OAS2: variants seen among roughly 807,000 people sequenced by gnomAD.
OAS2 encodes 2'-5'-oligoadenylate synthase 2.
A neutral mutation model predicts 71.3 loss-of-function variants in OAS2; 67 were observed. That is an observed-to-expected ratio of 0.94 (90% CI 0.77 to 1.15). The LOEUF (loss-of-function observed/expected upper bound fraction) is 1.15, where lower values mean the gene tolerates loss of function less well. Ranked by LOEUF, OAS2 falls within the 50% of genes most tolerant of loss-of-function variation. OAS2 has a pLI of 0.00. For synonymous variants in OAS2, 327 were observed against 321.8 expected, an observed-to-expected ratio of 1.02 and a Z score of -0.17; for missense variants, 789 against 822.5, an observed-to-expected ratio of 0.96 and a Z score of 0.50.
chr12:112,985,960 A>G (rs1307321648), intron 1 of OAS2, among the ~76,000 whole-genome samples: 1 of 152,230 alleles, frequency 6.6e-6, no homozygotes, highest in Non-Finnish European at 1.5e-5. Flanking sequence ...TGACAGAGCA[A>G]GACCCTGTCT....
Position 113,010,539 on chromosome 12 carries a change from C to T in OAS2, c.*1284C>T. The T allele has an allele frequency of 6.3e-7, 1 of 1,593,196 alleles. No homozygotes were observed. On this transcript the variant is annotated 3_prime_UTR_variant, in exon 10 of 10. Coordinates refer to ENST00000392583, the MANE Select transcript of OAS2 (RefSeq NM_002535.3). ...CGGCTCACCGTGAGAAAGAGTCACTCACATCCATTCTTCCCTTGATGGTCC... is the reference window on the plus strand; with the variant it reads ...CGGCTCACCGTGAGAAAGAGTCACTTACATCCATTCTTCCCTTGATGGTCC...
At chr12:112,996,665 T>G (rs1158421271) in intron 3 of OAS2, among the ~76,000 whole-genome samples, 2 of 151,922 alleles carry the variant, frequency 1.3e-5, no homozygotes, top group African/African-American at 4.8e-5. Context: ...AGGTAAGGGT[T>G]TTAAAGGTGA....
chr12:113,004,785 C>G (rs2044315874), intron 6 of OAS2, 149 bp from the exon 7 acceptor site: 1 of 663,366 alleles, frequency 1.5e-6, no homozygotes, highest in Admixed American at 2.9e-5. Flanking sequence ...AAAAGAAAAC[C>G]CTTTGCTTTG....
At chr12:113,005,942 A>AC (rs2044330910) in intron 7 of OAS2, among the ~76,000 whole-genome samples, 3 of 147,940 alleles carry the variant, frequency 2.0e-5, no homozygotes, top group African/African-American at 7.4e-5. Context: ...AAAAAAAAAA[A>AC]AAAAAAAAAC....
chr12:112,978,876 G>A lies in OAS2; in HGVS notation c.177+91G>A. 2 of 1,265,510 alleles carry A rather than the reference G, an allele frequency of 1.6e-6. No individual in the cohort carries two copies. The highest frequency in any genetic ancestry group is 2.2e-6 in the Non-Finnish European group (2 of 916,938). The allele number at this position is 1,265,510 out of a possible 1,614,324, so 78.4% of individuals were successfully genotyped here. Reference sequence around the variant, plus strand: ...CTACTGGGTGCTGGGTGCCTATTATGTGCGAGGCCCACACTTGGGTGGGAT... The same window carrying A: ...CTACTGGGTGCTGGGTGCCTATTATATGCGAGGCCCACACTTGGGTGGGAT... On this transcript the variant is annotated intron_variant, in intron 1 of 9. Coordinates refer to ENST00000392583, the MANE Select transcript of OAS2 (RefSeq NM_002535.3). The surrounding 1 kb of genome is among the most constrained non-coding windows in gnomAD (Gnocchi z 4.2).
intron 2 of OAS2, among the ~76,000 whole-genome samples, chr12:112,991,950 T>C (rs1330332366): frequency 1.3e-5 from 2 of 151,994 alleles, no homozygotes; most frequent in Non-Finnish European, 2.9e-5. Context: ...GATGGATAAA[T>C]GGATGGAAGG....
chr12:113,005,911 A>G (rs2044328359), intron 7 of OAS2, among the ~76,000 whole-genome samples: 1 of 60,164 alleles, frequency 1.7e-5, no homozygotes, highest in Admixed American at 1.7e-4. Context: ...AAAAACAACA[A>G]CAACAACAAA....
At chr12:113,003,332 G>A (rs1280904182) in intron 6 of OAS2, among the ~76,000 whole-genome samples, 1 of 152,250 alleles carries the variant, frequency 6.6e-6, no homozygotes, top group Admixed American at 6.5e-5. Context: ...TCTTGGAGCT[G>A]TTGGCCGTCC....
chr12:113,002,872 A>G, intron 5 of OAS2, 60 bp from the exon 6 acceptor site: 1 of 1,530,022 alleles, frequency 6.5e-7, no homozygotes, highest in Non-Finnish European at 9.0e-7. Context: ...AGGCAGGAAA[A>G]GAAGCCTTGG....
chr12:112,988,123 C>T (rs2044157362), intron 2 of OAS2: 1 of 985,392 alleles, frequency 1.0e-6, no homozygotes. Context: ...AAAACATCTC[C>T]CACTAAGCCT....
intron 1 of OAS2, among the ~76,000 whole-genome samples, chr12:112,983,071 G>A (rs983913897): frequency 6.6e-6 from 1 of 151,720 alleles, no homozygotes; most frequent in Non-Finnish European, 1.5e-5. Context: ...TCTTTTTTTA[G>A]TCTATTTAGT....
chr12:112,984,330 T>C (rs1337102111), intron 1 of OAS2, among the ~76,000 whole-genome samples: 1 of 152,226 alleles, frequency 6.6e-6, no homozygotes, highest in Non-Finnish European at 1.5e-5. Flanking sequence ...TGACCTTCTT[T>C]GTCTCTTTTT....
rs769780222 is a variant in OAS2, at chr12:113,001,523, C to CAT, written c.1009-1397_1009-1396dup. On this transcript the variant is annotated intron_variant, in intron 5 of 9. Transcript: ENST00000392583. ...ACATCTATACACATATATATATACA[C>CAT]ATATATATATATACATATATATGCT... 8.8e-4 allele frequency among the ~76,000 whole-genome samples: 130 copies of CAT among 148,218 alleles called. 2 individuals carry two copies. In the East Asian group the frequency reaches 0.011, roughly 12 times the overall value.
chr12:113,005,331 G>T, intron 7 of OAS2, 109 bp downstream of exon 7: 1 of 1,105,184 alleles, frequency 9.0e-7, no homozygotes, highest in East Asian at 2.4e-5. Context: ...ATGGGTCCCT[G>T]GCCCCAGCAA....
At chr12:112,993,983 G>A (rs575538045) in intron 2 of OAS2, among the ~76,000 whole-genome samples, 46 of 151,540 alleles carry the variant, frequency 3.0e-4, no homozygotes, top group Non-Finnish European at 4.6e-4. Flanking sequence ...GGGTTGTTTT[G>A]TTTTTTAATG....
intron 1 of OAS2, among the ~76,000 whole-genome samples, chr12:112,984,810 C>T (rs1216273268): frequency 6.6e-6 from 1 of 152,168 alleles, no homozygotes; most frequent in Non-Finnish European, 1.5e-5. Flanking sequence ...AGATGTAACA[C>T]TCTCTTAAGC....
At chr12:112,991,984 AG>A (rs2044196660) in intron 2 of OAS2, among the ~76,000 whole-genome samples, 1 of 152,080 alleles carries the variant, frequency 6.6e-6, no homozygotes, top group African/African-American at 2.4e-5. Flanking sequence ...AAATGAATGT[AG>A]ATGGATGGAT....
At chr12:112,981,238 ATT>A (rs1243297687) in intron 1 of OAS2, among the ~76,000 whole-genome samples, 2 of 151,948 alleles carry the variant, frequency 1.3e-5, no homozygotes, top group East Asian at 3.8e-4. Flanking sequence ...CCAATTGTCT[ATT>A]TTTTGTTTTT....
chr12:112,983,765 A>G (rs2044104834), intron 1 of OAS2, among the ~76,000 whole-genome samples: 1 of 152,182 alleles, frequency 6.6e-6, no homozygotes, highest in African/African-American at 2.4e-5. Context: ...ACAATTTCCA[A>G]AGTTCCTCTT....
Sources: gnomAD v4.1 joint callset for allele counts (sites outside exome capture counted in the v4.1 genomes callset) on GRCh38, gnomAD v4.1.1 for gene constraint, Gnocchi (gnomAD v3.1) non-coding constraint, MANE v1.5 for transcripts, NCBI Gene and HGNC (gene_info 2026-07-23, HGNC 2026-07-21) for gene names.